The following RLN2 variants were observed in gnomAD, a reference collection of about 807,000 sequenced individuals.
RLN2 encodes the protein relaxin 2, also known as prorelaxin H2.
In RLN2, 10 loss-of-function variants were observed where a neutral mutation model predicts 7.3. The observed-to-expected ratio is 1.36, with a 90% CI of 0.84 to 2.31. RLN2 has a LOEUF of 2.31. RLN2 is among the 30% of genes most tolerant of loss of function. The pLI is 0.00. For missense variants in RLN2, 298 were observed against 217.6 expected, an observed-to-expected ratio of 1.37 and a Z score of -2.32; for synonymous variants, 103 against 82.3, an observed-to-expected ratio of 1.25 and a Z score of -1.36.
upstream of RLN2, among the ~76,000 whole-genome samples, chr9:5,308,974 G>A (rs2130998584): frequency 6.6e-6 from 1 of 152,138 alleles, no homozygotes; most frequent in East Asian, 1.9e-4. Flanking sequence ...ACACCCACGT[G>A]GCCCTGCATG....
At chr9:5,337,684 G>T in the RLN2 span, among the ~76,000 whole-genome samples, 5 of 151,908 alleles carry the variant, frequency 3.3e-5, no homozygotes, top group Non-Finnish European at 7.4e-5. Flanking sequence ...TTCCTACCTA[G>T]TAACGGTAAA....
the RLN2 span, among the ~76,000 whole-genome samples, chr9:5,324,757 A>G: frequency 5.9e-5 from 9 of 152,198 alleles, no homozygotes; most frequent in East Asian, 1.7e-3. Context: ...CTCATTGAAT[A>G]GTACAGAGGC....
the RLN2 span, among the ~76,000 whole-genome samples, chr9:5,313,393 T>G: frequency 6.6e-6 from 1 of 152,018 alleles, no homozygotes; most frequent in Non-Finnish European, 1.5e-5. Context: ...TACCACTGAT[T>G]TCTTTCGGTT....
upstream of RLN2, among the ~76,000 whole-genome samples, chr9:5,305,408 G>C (rs1165218912): frequency 8.4e-3 from 1,205 of 143,612 alleles, 22 homozygotes; most frequent in African/African-American, 0.029. Context: ...CACACAGAGA[G>C]AGAGAGAGAG....
the RLN2 span, among the ~76,000 whole-genome samples, chr9:5,331,017 G>C: frequency 6.6e-6 from 1 of 151,882 alleles, no homozygotes; most frequent in East Asian, 1.9e-4. Context: ...ATAAATTCCT[G>C]GACATGTATA....
chr9:5,307,327 G>T (rs1226812870), upstream of RLN2, among the ~76,000 whole-genome samples: 1 of 151,510 alleles, frequency 6.6e-6, no homozygotes, highest in Non-Finnish European at 1.5e-5. Context: ...TAGATAGTGT[G>T]TGTATATATA....
the RLN2 span, among the ~76,000 whole-genome samples, chr9:5,316,175 A>G: frequency 5.9e-5 from 9 of 152,064 alleles, no homozygotes; most frequent in Non-Finnish European, 8.8e-5. Context: ...TTTTGAGTAT[A>G]TATTTGTACA....
the RLN2 span, among the ~76,000 whole-genome samples, chr9:5,323,539 T>C: frequency 2.0e-5 from 3 of 151,882 alleles, no homozygotes; most frequent in African/African-American, 7.3e-5. Flanking sequence ...ATTTTTAGGG[T>C]GTCCAGTCCT....
rs139863265 is a variant in RLN2, at chr9:5,302,624, T to G, written c.211+1746A>C. On this transcript the variant is annotated intron_variant, in intron 1 of 1. Transcript: ENST00000381627. Reference sequence around the variant, plus strand: ...AAGAAAATTCTTTAAAAATACTTTGTAATCTCATGTCTCTTCAAAGGAAAT... The same window carrying G: ...AAGAAAATTCTTTAAAAATACTTTGGAATCTCATGTCTCTTCAAAGGAAAT... 1.4e-4 allele frequency among the ~76,000 whole-genome samples: 21 copies of G among 152,212 alleles called. 1 individual carries two copies. The highest frequency in any genetic ancestry group is 4.8e-4 in the African/African-American group (20 of 41,458).
At chr9:5,319,395 G>A in the RLN2 span, among the ~76,000 whole-genome samples, 2 of 151,860 alleles carry the variant, frequency 1.3e-5, no homozygotes, top group African/African-American at 4.8e-5. Flanking sequence ...TGAAGAACGA[G>A]GGAGAAAACA....
At chr9:5,317,322 C>T in the RLN2 span, among the ~76,000 whole-genome samples, 1 of 151,488 alleles carries the variant, frequency 6.6e-6, no homozygotes, top group African/African-American at 2.4e-5. Flanking sequence ...ACACAAAATA[C>T]ACTTTAAGAA....
the RLN2 span, among the ~76,000 whole-genome samples, chr9:5,323,126 T>G: frequency 6.6e-6 from 1 of 151,778 alleles, no homozygotes; most frequent in African/African-American, 2.4e-5. Flanking sequence ...TCCTCTCGCC[T>G]TCCCACAATT....
chr9:5,333,110 G>A, the RLN2 span, among the ~76,000 whole-genome samples: 1 of 152,068 alleles, frequency 6.6e-6, no homozygotes, highest in Admixed American at 6.5e-5. Context: ...TTTTAGTGAT[G>A]CGTATGAAGG....
chr9:5,315,730 C>T, the RLN2 span, among the ~76,000 whole-genome samples: 3 of 152,114 alleles, frequency 2.0e-5, no homozygotes, highest in African/African-American at 7.2e-5. Flanking sequence ...TGAGAGGATT[C>T]CCATTAGACT....
chr9:5,335,237 C>T, the RLN2 span: 3 of 1,518,240 alleles, frequency 2.0e-6, no homozygotes, highest in Non-Finnish European at 2.7e-6. Context: ...AAGATGTGCA[C>T]AATTAGCTTC....
Position 5,304,471 on chromosome 9 carries a change from C to G in RLN2, c.110G>C (p.Arg37Pro). The G allele has an allele frequency of 6.2e-7, 1 of 1,613,576 alleles. No individual in the cohort carries two copies. The highest frequency in any genetic ancestry group is 8.5e-7 in the Non-Finnish European group (1 of 1,179,874). Residue 37 changes from arginine to proline, a missense_variant, in exon 1 of 2, where the codon CGC becomes CCC. Coordinates refer to ENST00000381627, the MANE Select transcript of RLN2 (RefSeq NM_134441.3). The stretch of plus-strand genomic sequence containing the variant: ...GGCAATCTGCGCGCGAACTAATTCG[C>G]GGCCGCATAATTTAATAACTTCCTC... The part of the protein sequence containing the change: ...WMEEVIKLCG[R>P]ELVRAQIAIC...
chr9:5,311,420 T>C, the RLN2 span: 10 of 539,288 alleles, frequency 1.9e-5, no homozygotes, highest in African/African-American at 1.7e-4. Context: ...AGAATACAAT[T>C]TTTAAGTACA....
Position 5,304,344 on chromosome 9 carries a change from G to A in RLN2, c.211+26C>T, listed in dbSNP as rs780030103. ...GAGTAACCAATGGGAAGCGCGGGAAGGCCGGGAGGGGGCGGGAGCTCTCAC... is the reference window on the plus strand; with the variant it reads ...GAGTAACCAATGGGAAGCGCGGGAAAGCCGGGAGGGGGCGGGAGCTCTCAC... On this transcript the variant is annotated intron_variant, in intron 1 of 1. Coordinates refer to ENST00000381627, the MANE Select transcript of RLN2 (RefSeq NM_134441.3). 7 of 1,515,404 alleles carry A rather than the reference G, an allele frequency of 4.6e-6. No homozygotes were observed. The Admixed American group carries it at 5.8e-5, about 12-fold the overall frequency. The allele number at this position is 1,515,404 out of a possible 1,614,324, so 93.9% of individuals were successfully genotyped here.
the RLN2 span, among the ~76,000 whole-genome samples, chr9:5,327,266 C>T: frequency 6.6e-6 from 1 of 152,078 alleles, no homozygotes; most frequent in Non-Finnish European, 1.5e-5. Flanking sequence ...TAGGCAGGTC[C>T]CATGCCCAAG....
Sources: gnomAD v4.1 joint callset for allele counts (sites outside exome capture counted in the v4.1 genomes callset) on GRCh38, gnomAD v4.1.1 for gene constraint, MANE v1.5 for transcripts, NCBI Gene and HGNC (gene_info 2026-07-23, HGNC 2026-07-21) for gene names.